MTHFD1L: variants seen among roughly 807,000 people sequenced by gnomAD.
MTHFD1L encodes the protein monofunctional C1-tetrahydrofolate synthase, mitochondrial.
MTHFD1L carries 81 observed loss-of-function variants against 119.5 expected under a neutral mutation model. That is an observed-to-expected ratio of 0.68 (90% CI 0.57 to 0.82). The LOEUF (loss-of-function observed/expected upper bound fraction) is 0.82. Ranked by LOEUF, MTHFD1L falls within the 40% of genes least tolerant of loss-of-function variation. The pLI is 0.00. For synonymous variants in MTHFD1L, 430 were observed against 475.2 expected (o/e 0.90, Z 1.24); for missense variants, 1,125 against 1,253.4 (o/e 0.90, Z 1.55).
intron 1 of MTHFD1L, chr6:150,866,328 G>C (rs936772638): frequency 6.9e-7 from 1 of 1,454,428 alleles, no homozygotes; most frequent in Non-Finnish European, 9.0e-7. Context: ...CGCACGCCCG[G>C]CTCCACGTGC....
At chr6:150,867,928 G>A (rs1392562879) in intron 1 of MTHFD1L, among the ~76,000 whole-genome samples, 1 of 151,232 alleles carries the variant, frequency 6.6e-6, no homozygotes, top group African/African-American at 2.4e-5. Context: ...CTCCCGAGTA[G>A]CTGGGATTAC....
intron 26 of MTHFD1L, among the ~76,000 whole-genome samples, chr6:151,050,622 A>G (rs1788870651): frequency 6.6e-6 from 1 of 152,158 alleles, no homozygotes. Context: ...TGCGACTGGT[A>G]TGGTGGGGGG....
chr6:151,052,189 T>C lies in MTHFD1L; in HGVS notation c.2847+15072T>C, dbSNP rs905739789. On this transcript the variant is annotated intron_variant, in intron 26 of 27. Coordinates refer to ENST00000367321, the MANE Select transcript of MTHFD1L (RefSeq NM_015440.5). The stretch of plus-strand genomic sequence containing the variant: ...CCCTGCACCGAGGCTGACATTTGAC[T>C]TCCTGCCAAGTTGGCCATCAGACAG... Among the ~76,000 whole-genome samples the C allele has an allele frequency of 3.3e-5, 5 of 152,202 alleles. No individual in the cohort carries two copies. The East Asian group carries it at 7.7e-4, about 23-fold the overall frequency.
chr6:150,869,098 A>T (rs1340191740), intron 1 of MTHFD1L, among the ~76,000 whole-genome samples: 1 of 152,178 alleles, frequency 6.6e-6, no homozygotes, highest in African/African-American at 2.4e-5. Context: ...TAAGGTATGT[A>T]CATTTTTTAG....
At position 150,950,598 on chromosome 6, in the gene MTHFD1L, A is replaced by G. The variant is rs192682051; in HGVS notation, c.1726+1465A>G. 1.7e-4 allele frequency among the ~76,000 whole-genome samples: 26 copies of G among 152,302 alleles called. 1 individual carries two copies. The highest frequency in any genetic ancestry group is 1.4e-3 in the Admixed American group (22 of 15,298). On this transcript the variant is annotated intron_variant, in intron 16 of 27. Transcript: ENST00000367321. ...TCACTGAAACATAAGCATCCTTTCC[A>G]GACCCAAAAGCTCTGCCCACACGAT...
intron 8 of MTHFD1L, among the ~76,000 whole-genome samples, chr6:150,913,823 G>A (rs1215691377): frequency 6.6e-6 from 1 of 151,894 alleles, no homozygotes; most frequent in Non-Finnish European, 1.5e-5. Flanking sequence ...GTGAAACTCT[G>A]CCTCTACAAA....
At position 150,905,393 on chromosome 6, in the gene MTHFD1L, T is replaced by C. The variant is rs1437153762; in HGVS notation, c.781-257T>C. 2.0e-5 allele frequency among the ~76,000 whole-genome samples: 3 copies of C among 152,204 alleles called. No individual in the cohort carries two copies. In the East Asian group the frequency reaches 5.8e-4, roughly 29 times the overall value. ...AAAACATGTAAATGATAATACTCCA[T>C]GCAGTATGTATGCTGAAGTGACTAC... On this transcript the variant is annotated intron_variant, in intron 7 of 27. Coordinates refer to ENST00000367321, the MANE Select transcript of MTHFD1L (RefSeq NM_015440.5).
chr6:151,022,300 T>C (rs1204552732), intron 24 of MTHFD1L: 1 of 279,388 alleles, frequency 3.6e-6, no homozygotes, highest in Non-Finnish European at 7.3e-6. Context: ...GTGTGAGAAC[T>C]ATCCTTTACA....
chr6:151,004,135 G>A (rs1016449137), intron 20 of MTHFD1L, among the ~76,000 whole-genome samples: 2 of 151,868 alleles, frequency 1.3e-5, no homozygotes, highest in African/African-American at 2.4e-5. Flanking sequence ...TTGAGGTCAG[G>A]AGTTCGAGAC....
intron 26 of MTHFD1L, among the ~76,000 whole-genome samples, chr6:151,079,321 G>A (rs1021252321): frequency 3.3e-5 from 5 of 152,088 alleles, no homozygotes; most frequent in African/African-American, 1.2e-4. Flanking sequence ...ACATCTGAAC[G>A]GCAAGACCAG....
rs780131474 is a variant in MTHFD1L at position 151,013,820 on chromosome 6, G to A, written c.2307G>A (p.Glu769=). ...CTCTTAAGAAAGAATATACAGAGGAGGTAAGAGGAGCTGTTTAGATGCTTA... is the reference window on the plus strand; with the variant it reads ...CTCTTAAGAAAGAATATACAGAGGAAGTAAGAGGAGCTGTTTAGATGCTTA... The part of the protein sequence containing the change: ...GVPLKKEYTE[E]NIQLVADGCC... The change falls in exon 22 of 28, where the codon GAG becomes GAA. Residue 769 remains glutamate (E), a splice_region_variant and synonymous_variant. Coordinates refer to ENST00000367321, the MANE Select transcript of MTHFD1L (RefSeq NM_015440.5). 15 of 1,611,646 alleles carry A rather than the reference G, an allele frequency of 9.3e-6. No homozygotes were observed. The highest frequency in any genetic ancestry group is 1.2e-5 in the Non-Finnish European group (14 of 1,178,356).
intron 8 of MTHFD1L, among the ~76,000 whole-genome samples, chr6:150,913,844 A>C (rs1787381261): frequency 1.3e-5 from 2 of 152,028 alleles, no homozygotes; most frequent in African/African-American, 2.4e-5. Context: ...AAATACAAAA[A>C]TTAAGCCCAG....
Position 150,865,736 on chromosome 6 carries a change from G to GCCGCCA in MTHFD1L, c.-82_-81insACCGCC. ...CCAGGTCCTTCCCGCCGCCGCCGCC[G>GCCGCCA]CCGCCGCCGCCTGCTCCCCTGGCAC... On this transcript the variant is annotated 5_prime_UTR_variant, in exon 1 of 28. Transcript: ENST00000367321. 3 of 1,131,942 alleles carry GCCGCCA rather than the reference G, an allele frequency of 2.7e-6. No individual in the cohort carries two copies. Among genetic ancestry groups the GCCGCCA allele is most frequent in the South Asian group, 2.4e-5 (1 of 42,072 alleles). The allele number at this position is 1,131,942 out of a possible 1,614,324, so 70.1% of individuals were successfully genotyped here.
intron 16 of MTHFD1L, among the ~76,000 whole-genome samples, chr6:150,953,181 G>A (rs984073683): frequency 1.3e-5 from 2 of 152,138 alleles, no homozygotes; most frequent in African/African-American, 2.4e-5. Context: ...CACTGGGGCC[G>A]AAACAGTGGA....
intron 20 of MTHFD1L, among the ~76,000 whole-genome samples, chr6:150,974,892 A>C (rs1305570529): frequency 1.3e-5 from 2 of 151,624 alleles, no homozygotes; most frequent in African/African-American, 4.8e-5. Flanking sequence ...ATGCACCACC[A>C]CGCCCAGCTA....
intron 26 of MTHFD1L, among the ~76,000 whole-genome samples, chr6:151,082,197 C>G (rs930579468): frequency 6.6e-6 from 1 of 152,172 alleles, no homozygotes; most frequent in Non-Finnish European, 1.5e-5. Context: ...GTCGCAAAAA[C>G]TCTAGGTGGG....
intron 26 of MTHFD1L, among the ~76,000 whole-genome samples, chr6:151,072,230 A>G (rs1792030751): frequency 6.6e-6 from 1 of 152,192 alleles, no homozygotes; most frequent in Admixed American, 6.5e-5. Context: ...TAAATGAATG[A>G]AATTTTGGCT....
chr6:150,960,146 C>A, intron 17 of MTHFD1L, 129 bp from the exon 18 acceptor site: 2 of 1,235,154 alleles, frequency 1.6e-6, no homozygotes, highest in Non-Finnish European at 1.1e-6. Context: ...GATGGGATTG[C>A]ATGCATGGCC....
chr6:151,023,554 A>G (rs978320353), intron 24 of MTHFD1L, among the ~76,000 whole-genome samples: 32 of 152,054 alleles, frequency 2.1e-4, no homozygotes, highest in African/African-American at 7.7e-4. Flanking sequence ...CACTGGCCCA[A>G]CCTTCTCAAA....
Sources: gnomAD v4.1 joint callset for allele counts (sites outside exome capture counted in the v4.1 genomes callset) on GRCh38, gnomAD v4.1.1 for gene constraint, MANE v1.5 for transcripts, NCBI Gene and HGNC (gene_info 2026-07-23, HGNC 2026-07-21) for gene names.